Variants in MCTP1 observed in about 807,000 individuals in gnomAD.
MCTP1 encodes multiple C2 and transmembrane domain-containing protein 1.
A neutral mutation model predicts 120.6 loss-of-function variants in MCTP1; 69 were observed. The observed-to-expected ratio is 0.57, with a 90% CI of 0.47 to 0.70. The LOEUF is 0.70. MCTP1 is among the 30% of genes least tolerant of loss of function. The pLI, the probability that MCTP1 is intolerant of heterozygous loss-of-function variation, is 0.00. For missense variants in MCTP1, 1,203 were observed against 1,248.8 expected (o/e 0.96, Z 0.55); for synonymous variants, 529 against 493.1 (o/e 1.07, Z -0.96).
intron 3 of MCTP1, among the ~76,000 whole-genome samples, chr5:94,950,963 A>AG (rs1561910536): frequency 6.8e-6 from 1 of 146,370 alleles, no homozygotes; most frequent in African/African-American, 2.5e-5. Context: ...AAAAAAAAAA[A>AG]TGATTTTGTG....
chr5:94,834,251 T>C (rs914595184), intron 17 of MCTP1, among the ~76,000 whole-genome samples: 2 of 152,208 alleles, frequency 1.3e-5, no homozygotes, highest in South Asian at 2.1e-4. Context: ...CAGTCTGCAT[T>C]GAAGGAACCA....
intron 1 of MCTP1, among the ~76,000 whole-genome samples, chr5:95,080,755 C>T (rs1015915538): frequency 6.6e-6 from 1 of 152,172 alleles, no homozygotes; most frequent in African/African-American, 2.4e-5. Flanking sequence ...ACCTCTCATT[C>T]ATTCTCTATC....
chr5:94,887,029 C>A (rs374279086), intron 12 of MCTP1, among the ~76,000 whole-genome samples: 7 of 152,130 alleles, frequency 4.6e-5, no homozygotes, highest in Non-Finnish European at 1.0e-4. Flanking sequence ...CAAGAGTGAG[C>A]AAGGTCAAAG....
intron 2 of MCTP1, among the ~76,000 whole-genome samples, chr5:94,997,936 A>C: frequency 6.6e-6 from 1 of 152,184 alleles, no homozygotes; most frequent in East Asian, 1.9e-4. Context: ...ATACACACAT[A>C]CTGAGATAAC....
At chr5:94,971,938 T>G (rs1272504048) in intron 2 of MCTP1, among the ~76,000 whole-genome samples, 1 of 152,142 alleles carries the variant, frequency 6.6e-6, no homozygotes, top group Non-Finnish European at 1.5e-5. Flanking sequence ...GCCCACCAGT[T>G]CAGCCTAGCC....
At chr5:95,264,845 T>G (rs1582694091) in intron 1 of MCTP1, among the ~76,000 whole-genome samples, 1 of 151,980 alleles carries the variant, frequency 6.6e-6, no homozygotes, top group African/African-American at 2.4e-5. Context: ...GAGAGAGATG[T>G]CCAAAGCGAA....
chr5:95,166,917 CTTTTT>C (rs386404479), intron 1 of MCTP1, among the ~76,000 whole-genome samples: 3 of 137,870 alleles, frequency 2.2e-5, no homozygotes, highest in South Asian at 2.3e-4. Context: ...CCTTTCTATT[CTTTTT>C]TTTTTTTTTT....
At chr5:94,958,004 G>A (rs534760628) in intron 2 of MCTP1, among the ~76,000 whole-genome samples, 10 of 152,088 alleles carry the variant, frequency 6.6e-5, no homozygotes, top group Admixed American at 1.3e-4. Context: ...TTCTAAAATC[G>A]ACCACATAAT....
At chr5:94,776,623 G>C (rs906417309) in intron 19 of MCTP1, among the ~76,000 whole-genome samples, 5 of 152,092 alleles carry the variant, frequency 3.3e-5, no homozygotes, top group African/African-American at 4.8e-5. Context: ...TATCCTATAA[G>C]AGGACCCACT....
At chr5:94,990,758 T>C (rs1303456131) in intron 2 of MCTP1, among the ~76,000 whole-genome samples, 1 of 152,224 alleles carries the variant, frequency 6.6e-6, no homozygotes, top group Non-Finnish European at 1.5e-5. Flanking sequence ...AGAATTCTTA[T>C]TCCACAAGTC....
Position 94,718,194 on chromosome 5 carries a change from C to T in MCTP1, c.2611-3308G>A, listed in dbSNP as rs562190321. 1.2e-4 allele frequency among the ~76,000 whole-genome samples: 18 copies of T among 152,228 alleles called. No individual in the cohort carries two copies. The South Asian group carries it at 3.7e-3, about 32-fold the overall frequency. ...CACCAACGGAATAGAAAAGAGATCT[C>T]AGAAATAAGACCGCACATCTACAAC... On this transcript the variant is annotated intron_variant, in intron 19 of 22. Transcript: ENST00000515393.
At chr5:95,057,270 T>C (rs1363124972) in intron 1 of MCTP1, among the ~76,000 whole-genome samples, 7 of 152,192 alleles carry the variant, frequency 4.6e-5, no homozygotes, top group Admixed American at 3.9e-4. Context: ...AATGACTGGA[T>C]GTAAAAACCT....
intron 1 of MCTP1, among the ~76,000 whole-genome samples, chr5:95,149,501 G>GCCGGCAAC (rs3037033): frequency 6.6e-6 from 1 of 151,774 alleles, no homozygotes; most frequent in Non-Finnish European, 1.5e-5. Context: ...GGGAGCCCAA[G>GCCGGCAAC]TCTTGCCTGG....
chr5:94,935,459 A>G (rs1244726676), intron 5 of MCTP1, among the ~76,000 whole-genome samples: 1 of 152,052 alleles, frequency 6.6e-6, no homozygotes, highest in Non-Finnish European at 1.5e-5. Context: ...AGGACTCTCT[A>G]CTTCCAGTTA....
chr5:95,166,499 T>C (rs1462133359), intron 1 of MCTP1, among the ~76,000 whole-genome samples: 4 of 152,176 alleles, frequency 2.6e-5, no homozygotes, highest in African/African-American at 9.7e-5. Flanking sequence ...ATATTACTTT[T>C]TTTCTACTTG....
In MCTP1 at chr5:94,888,807, T is replaced by C. The variant is rs750507585; in HGVS notation, c.1933+72A>G. On this transcript the variant is annotated intron_variant, in intron 12 of 22. Coordinates refer to ENST00000515393, the MANE Select transcript of MCTP1 (RefSeq NM_024717.7). ...ATGATCCATCAGGTGAAATGCAAAG[T>C]TGAATTATTAAATGGTGTAGACCTT... 4 of 850,448 alleles carry C rather than the reference T, an allele frequency of 4.7e-6. No homozygotes were observed. In the African/African-American group the frequency reaches 6.8e-5, roughly 15 times the overall value. 52.7% of individuals were successfully genotyped at this position (850,448 alleles called of 1,614,324 possible).
At chr5:95,132,592 C>T (rs1759130043) in intron 1 of MCTP1, among the ~76,000 whole-genome samples, 1 of 146,120 alleles carries the variant, frequency 6.8e-6, no homozygotes, top group Non-Finnish European at 1.5e-5. Context: ...ATCCCTGACT[C>T]GTCGGCTCTG....
At chr5:95,203,969 A>G (rs1219221767) in intron 1 of MCTP1, among the ~76,000 whole-genome samples, 2 of 152,014 alleles carry the variant, frequency 1.3e-5, no homozygotes, top group African/African-American at 4.8e-5. Context: ...ATTACTAACT[A>G]TGCAAAGAGA....
chr5:94,820,610 A>G (rs1178490817), intron 17 of MCTP1, among the ~76,000 whole-genome samples: 1 of 152,200 alleles, frequency 6.6e-6, no homozygotes, highest in African/African-American at 2.4e-5. Context: ...CTTTTAAAAG[A>G]GTTGTCAACT....
Sources: gnomAD v4.1 joint callset for allele counts (sites outside exome capture counted in the v4.1 genomes callset) on GRCh38, gnomAD v4.1.1 for gene constraint, MANE v1.5 for transcripts, NCBI Gene and HGNC (gene_info 2026-07-23, HGNC 2026-07-21) for gene names.